SYNE2: variants seen among roughly 807,000 people sequenced by gnomAD.
SYNE2 encodes nesprin-2.
In SYNE2, 431 loss-of-function variants were observed where a neutral mutation model predicts 856.3. The observed-to-expected ratio is 0.50, with a 90% CI of 0.47 to 0.55. The LOEUF is 0.55. Ranked by LOEUF, SYNE2 falls within the 20% of genes least tolerant of loss-of-function variation. The pLI is 0.00. For missense variants in SYNE2, 8,129 were observed against 8,023.2 expected (o/e 1.01, Z -0.50); for synonymous variants, 2,923 against 2,872.3 (o/e 1.02, Z -0.56).
At chr14:64,168,997 T>C in intron 93 of SYNE2, 26 bp downstream of exon 93, 1 of 1,576,664 alleles carries the variant, frequency 6.3e-7, no homozygotes, top group South Asian at 1.1e-5. Flanking sequence ...CTCATGAAGG[T>C]TGTGGGCGGA....
At chr14:64,000,094 G>T (rs1195184939) in intron 27 of SYNE2, among the ~76,000 whole-genome samples, 1 of 152,140 alleles carries the variant, frequency 6.6e-6, no homozygotes, top group Non-Finnish European at 1.5e-5. Context: ...ATCAAGATAA[G>T]GAGCTGGAAT....
chr14:63,970,538 A>G (rs1474335149), intron 11 of SYNE2, among the ~76,000 whole-genome samples: 3 of 151,476 alleles, frequency 2.0e-5, no homozygotes, highest in African/African-American at 7.3e-5. Flanking sequence ...TCCACTTAGT[A>G]TAATTGTTGA....
chr14:63,856,557 TTTA>T (rs1245555189), intron 1 of SYNE2, among the ~76,000 whole-genome samples: 7 of 152,200 alleles, frequency 4.6e-5, no homozygotes, highest in Admixed American at 1.3e-4. Flanking sequence ...TTTTTCCTTT[TTTA>T]TTATTGTGAA....
At chr14:63,955,490 A>G (rs1031963744) in intron 8 of SYNE2, among the ~76,000 whole-genome samples, 2 of 152,220 alleles carry the variant, frequency 1.3e-5, no homozygotes, top group African/African-American at 4.8e-5. Context: ...CTTTCTCAAA[A>G]GCACTTTACT....
At chr14:63,822,155 C>G (rs1370718766) in intron 1 of SYNE2, among the ~76,000 whole-genome samples, 1 of 152,112 alleles carries the variant, frequency 6.6e-6, no homozygotes, top group Non-Finnish European at 1.5e-5. Context: ...CACACCATTT[C>G]ACTCCAGCCC....
intron 1 of SYNE2, among the ~76,000 whole-genome samples, chr14:63,844,435 G>A (rs997491533): frequency 1.3e-5 from 2 of 152,250 alleles, no homozygotes; most frequent in African/African-American, 4.8e-5. Context: ...AGGACATCTT[G>A]GTTGCTACCA....
chr14:64,016,546 T>A lies in SYNE2; in HGVS notation c.4802T>A (p.Leu1601Gln). The A allele has an allele frequency of 6.2e-7, 1 of 1,604,030 alleles. No homozygotes were observed. The highest frequency in any genetic ancestry group is 1.1e-5 in the South Asian group (1 of 89,210). Residue 1601 changes from leucine (L) to glutamine (Q), a missense_variant, in exon 33 of 116, where the codon CTA becomes CAA. By Grantham distance (113) the Leu-to-Gln change is moderately radical. Transcript: ENST00000555002. ...AAGATAAACCAGGTCTGCAAAAATCTACAATTTTATCTAAATAAAATGAAA... is the reference window on the plus strand; with the variant it reads ...AAGATAAACCAGGTCTGCAAAAATCAACAATTTTATCTAAATAAAATGAAA... ...VDKINQVCKN[L>Q]QFYLNKMKTF...
At chr14:64,118,728 G>T (rs2097873018) in intron 66 of SYNE2, among the ~76,000 whole-genome samples, 1 of 152,056 alleles carries the variant, frequency 6.6e-6, no homozygotes, top group Non-Finnish European at 1.5e-5. Context: ...GGGCGTGGTG[G>T]CGCACTCTTG....
intron 63 of SYNE2, chr14:64,099,445 A>G (rs2097703258): frequency 6.0e-6 from 1 of 167,202 alleles, no homozygotes; most frequent in Non-Finnish European, 1.3e-5. Context: ...AAATAGCTCC[A>G]CTCTCACACA....
At chr14:64,139,446 C>T (rs915752145) in intron 79 of SYNE2, among the ~76,000 whole-genome samples, 6 of 149,266 alleles carry the variant, frequency 4.0e-5, no homozygotes, top group Non-Finnish European at 7.4e-5. Context: ...GAGTCTTGCT[C>T]TGTCGCCCAG....
intron 62 of SYNE2, 71 bp downstream of exon 62, chr14:64,098,217 G>A: frequency 6.5e-7 from 1 of 1,534,142 alleles, no homozygotes; most frequent in Non-Finnish European, 9.0e-7. Flanking sequence ...TTTTCCACCT[G>A]AACGACCTGT....
At chr14:63,890,970 G>A (rs10140289) in intron 1 of SYNE2, among the ~76,000 whole-genome samples, 10,109 of 152,246 alleles carry the variant, frequency 0.066, 493 homozygotes, top group African/African-American at 0.13. Context: ...CTGGCAAGTC[G>A]TAAGCACTCA....
chr14:64,045,611 T>C (rs1339126096), intron 45 of SYNE2, among the ~76,000 whole-genome samples: 1 of 152,208 alleles, frequency 6.6e-6, no homozygotes, highest in Non-Finnish European at 1.5e-5. Context: ...CCCTGTGAGA[T>C]GCTGCTGCCC....
intron 45 of SYNE2, among the ~76,000 whole-genome samples, chr14:64,032,083 G>A (rs2097042267): frequency 1.3e-5 from 2 of 152,182 alleles, no homozygotes; most frequent in Non-Finnish European, 2.9e-5. Context: ...GTTCCCATCA[G>A]GTTTTTAGGG....
intron 1 of SYNE2, among the ~76,000 whole-genome samples, chr14:63,847,328 C>A (rs1193989412): frequency 6.6e-6 from 1 of 151,506 alleles, no homozygotes; most frequent in Non-Finnish European, 1.5e-5. Flanking sequence ...GTGGCATGTG[C>A]CTGCTGTAGT....
At chr14:63,892,806 G>A (rs1450129068) in intron 1 of SYNE2, among the ~76,000 whole-genome samples, 3 of 150,722 alleles carry the variant, frequency 2.0e-5, no homozygotes, top group Non-Finnish European at 4.4e-5. Flanking sequence ...TGGGGCTTAA[G>A]CAGTCCTCCT....
intron 1 of SYNE2, among the ~76,000 whole-genome samples, chr14:63,779,046 G>A (rs1290031063): frequency 6.6e-6 from 1 of 152,054 alleles, no homozygotes; most frequent in Non-Finnish European, 1.5e-5. Context: ...CAGGCCAGAC[G>A]CAGTGGCTCA....
At chr14:63,926,259 C>A (rs1440397318) in intron 2 of SYNE2, among the ~76,000 whole-genome samples, 1 of 145,334 alleles carries the variant, frequency 6.9e-6, no homozygotes, top group African/African-American at 2.5e-5. Flanking sequence ...CCTAGGCAAT[C>A]AATTAATCTA....
chr14:64,114,576 C>A lies in SYNE2; in HGVS notation c.12840+1005C>A, dbSNP rs534795924. On this transcript the variant is annotated intron_variant, in intron 66 of 115. Transcript: ENST00000555002. ...ACATCCAGGAACCAGACAGACAGGC[C>A]AGCCTCCTTTTCTGTGCATCTCGGC... Among the ~76,000 whole-genome samples the A allele has an allele frequency of 5.9e-5, 9 of 152,082 alleles. No individual in the cohort carries two copies. The South Asian group carries it at 1.9e-3, about 32-fold the overall frequency.
Sources: gnomAD v4.1 joint callset for allele counts (sites outside exome capture counted in the v4.1 genomes callset) on GRCh38, gnomAD v4.1.1 for gene constraint, MANE v1.5 for transcripts, NCBI Gene and HGNC (gene_info 2026-07-23, HGNC 2026-07-21) for gene names.